CNBD2: variants seen among roughly 807,000 people sequenced by gnomAD.
CNBD2 encodes cyclic nucleotide-binding domain-containing protein 2.
A neutral mutation model predicts 63.7 loss-of-function variants in CNBD2; 64 were observed. The ratio of observed to expected loss-of-function variants is 1.00; its 90% CI spans 0.82 to 1.24. The LOEUF (loss-of-function observed/expected upper bound fraction) is 1.24. Ranked by LOEUF, CNBD2 falls within the 50% of genes most tolerant of loss-of-function variation. The pLI is 0.00. For synonymous variants in CNBD2, 229 were observed against 255.4 expected (o/e 0.90, Z 0.99); for missense variants, 691 against 713.5 (o/e 0.97, Z 0.36).
At chr20:35,959,814 C>G (rs1431669690), downstream of CNBD2, among the ~76,000 whole-genome samples, 1 of 152,110 alleles carries the variant, frequency 6.6e-6, no homozygotes, top group Non-Finnish European at 1.5e-5. Context: ...GATTCAAACC[C>G]ACGTTTAACA....
At chr20:36,011,109 A>G (rs2057052830) in intron 9 of CNBD2, 28 bp from the exon 10 acceptor site, 5 of 1,491,812 alleles carry the variant, frequency 3.4e-6, no homozygotes, top group Admixed American at 4.2e-5. Context: ...GTTACAGATG[A>G]GCTCTCTAAC....
At chr20:36,001,842 G>A (rs199711835) in intron 8 of CNBD2, among the ~76,000 whole-genome samples, 19,387 of 150,600 alleles carry the variant, frequency 0.13, 1,159 homozygotes, top group Middle Eastern at 0.21. Context: ...ATGGGATGGC[G>A]GCCGGGAAGA....
At chr20:36,006,486 G>A (rs947042824) in intron 8 of CNBD2, among the ~76,000 whole-genome samples, 1 of 152,150 alleles carries the variant, frequency 6.6e-6, no homozygotes, top group Non-Finnish European at 1.5e-5. Context: ...GCATGAACAT[G>A]GCTCAATACA....
chr20:35,963,504 G>A (rs1349423010), intron 2 of CNBD2, among the ~76,000 whole-genome samples: 1 of 152,008 alleles, frequency 6.6e-6, no homozygotes, highest in Non-Finnish European at 1.5e-5. Context: ...AGCCAGGCAC[G>A]ATGGTGGGTG....
intron 10 of CNBD2, 77 bp downstream of exon 10, chr20:36,011,334 G>C (rs991201566): frequency 3.6e-6 from 5 of 1,371,976 alleles, no homozygotes; most frequent in Admixed American, 5.6e-5. Flanking sequence ...TGACAGTAAA[G>C]GTTTAAAAAC....
At chr20:36,021,744 T>C (rs879835576) in intron 10 of CNBD2, among the ~76,000 whole-genome samples, 4 of 152,226 alleles carry the variant, frequency 2.6e-5, no homozygotes, top group Admixed American at 6.5e-5. Flanking sequence ...ATTCTAGTCC[T>C]GGCTCTGCCT....
At position 35,984,086 on chromosome 20, in the gene CNBD2, G is replaced by A; in HGVS notation, c.512G>A (p.Ser171Asn). 1.4e-5 allele frequency: 22 copies of A among 1,613,828 alleles called. No homozygotes were observed. The highest frequency in any genetic ancestry group is 1.9e-5 in the Non-Finnish European group (22 of 1,179,824). Residue 171 changes from serine to asparagine, a missense_variant, in exon 5 of 12, where the codon AGT (serine) becomes AAT (asparagine). By Grantham distance (46) the Ser-to-Asn change is conservative. Transcript: ENST00000373973. ...ATAACCAAGGACGAGGATGGCAGCA[G>A]TGCCTTCCTAGATCCCCACCCGAAA... ...VAITKDEDGS[S>N]AFLDPHPKLL...
chr20:35,998,072 C>G (rs1426156707), intron 8 of CNBD2, among the ~76,000 whole-genome samples: 1 of 132,716 alleles, frequency 7.5e-6, no homozygotes, highest in South Asian at 2.3e-4. Flanking sequence ...GAGGGAGTCT[C>G]GCTCTGTCAC....
At chr20:35,955,203 G>A (rs11699815) in exon 1 of CNBD2, 15,467 of 159,634 alleles carry the variant, frequency 0.097, 800 homozygotes, top group South Asian at 0.15. Context: ...GTAGCTAGTT[G>A]ATAACCCTCG....
At chr20:35,990,307 AAG>A (rs1279611813) in intron 7 of CNBD2, among the ~76,000 whole-genome samples, 68 of 152,340 alleles carry the variant, frequency 4.5e-4, no homozygotes, top group Middle Eastern at 3.4e-3. Context: ...CTACACTGCA[AAG>A]AGAATGAAAT....
rs571152590 is a variant in CNBD2 at position 36,005,525 on chromosome 20, T to C, written c.971-2772T>C. Among the ~76,000 whole-genome samples, 23 of 152,338 alleles carry C rather than the reference T, an allele frequency of 1.5e-4. No individual in the cohort carries two copies. In the South Asian group the frequency reaches 4.6e-3, roughly 30 times the overall value. ...CTGAAATAGTTAATCCAGTGCATAC[T>C]GACTACATACATTTAAAACATTGGT... is the stretch of plus-strand genomic sequence containing the variant. On this transcript the variant is annotated intron_variant, in intron 8 of 11. Transcript: ENST00000373973.
At chr20:35,981,773 T>C (rs2056602294) in intron 4 of CNBD2, among the ~76,000 whole-genome samples, 1 of 152,122 alleles carries the variant, frequency 6.6e-6, no homozygotes, top group Non-Finnish European at 1.5e-5. Context: ...GATTCCAGGC[T>C]GATACTGGTT....
chr20:36,023,578 T>C, intron 10 of CNBD2, 24 bp from the exon 11 acceptor site: 1 of 1,550,552 alleles, frequency 6.4e-7, no homozygotes, highest in Non-Finnish European at 8.7e-7. Context: ...CTCTGAGGTC[T>C]AACTTTCTGT....
At chr20:36,017,238 C>G (rs2057147494) in intron 10 of CNBD2, among the ~76,000 whole-genome samples, 1 of 152,094 alleles carries the variant, frequency 6.6e-6, no homozygotes, top group Admixed American at 6.6e-5. Flanking sequence ...GAGCAATGGG[C>G]CTTCGGCCTC....
intron 8 of CNBD2, among the ~76,000 whole-genome samples, chr20:35,996,156 A>T (rs2056821426): frequency 6.6e-6 from 1 of 152,184 alleles, no homozygotes; most frequent in Non-Finnish European, 1.5e-5. Flanking sequence ...TGTGTTATAT[A>T]ACCCCACTGA....
chr20:35,986,009 A>G (rs1026800150), intron 6 of CNBD2, among the ~76,000 whole-genome samples: 1 of 152,250 alleles, frequency 6.6e-6, no homozygotes, highest in African/African-American at 2.4e-5. Context: ...TCAGAAAGTA[A>G]GCACCGTAAC....
intron 1 of CNBD2, among the ~76,000 whole-genome samples, chr20:35,972,082 A>C (rs772148750): frequency 6.6e-6 from 1 of 152,204 alleles, no homozygotes; most frequent in Non-Finnish European, 1.5e-5. Flanking sequence ...AAGAAGTCTG[A>C]CATGGATGTT....
intron 1 of CNBD2, among the ~76,000 whole-genome samples, chr20:35,969,243 T>G (rs1413870298): frequency 6.6e-6 from 1 of 152,218 alleles, no homozygotes; most frequent in East Asian, 1.9e-4. Flanking sequence ...AGTGAGATGA[T>G]AATACTAGTA....
chr20:35,975,457 C>T (rs1324859064), intron 2 of CNBD2, among the ~76,000 whole-genome samples: 7 of 101,570 alleles, frequency 6.9e-5, no homozygotes, highest in South Asian at 7.2e-4. Context: ...CCCGCTACCA[C>T]GCCCGGCTAA....
Sources: gnomAD v4.1 joint callset for allele counts (sites outside exome capture counted in the v4.1 genomes callset) on GRCh38, gnomAD v4.1.1 for gene constraint, MANE v1.5 for transcripts, NCBI Gene and HGNC (gene_info 2026-07-23, HGNC 2026-07-21) for gene names.